Variants in NCAPH2 observed in about 807,000 individuals in gnomAD.
NCAPH2 encodes condensin-2 complex subunit H2.
Under a neutral mutation model 88.6 loss-of-function variants are expected in NCAPH2, and 56 were observed. That is an observed-to-expected ratio of 0.63 (90% confidence interval 0.51 to 0.79). The LOEUF is 0.79. Ranked by LOEUF, NCAPH2 falls within the 30% of genes least tolerant of loss-of-function variation. NCAPH2 has a pLI of 0.00. For synonymous variants in NCAPH2, 378 were observed against 313.6 expected, an observed-to-expected ratio of 1.21 and a Z score of -2.17; for missense variants, 794 against 792.0, an observed-to-expected ratio of 1.00 and a Z score of -0.03.
chr22:50,522,958 C>T (rs200907663), intron 18 of NCAPH2, 36 bp downstream of exon 18: 3 of 1,611,966 alleles, frequency 1.9e-6, no homozygotes, highest in East Asian at 2.2e-5. Context: ...AGCTGTGTGC[C>T]ACGGGTCTGT....
At position 50,524,168 on chromosome 22, in the gene NCAPH2, T is replaced by C. The variant is rs765425160; in HGVS notation, c.*793T>C. ...CGCTTTTGCTGCTGCAGCCTCTCCT[T>C]CTCAGCCCTCAGGGCCAGCCAGGCC... On this transcript the variant is annotated 3_prime_UTR_variant, in exon 20 of 20. Transcript: ENST00000420993. 104 of 1,610,236 alleles carry C rather than the reference T, an allele frequency of 6.5e-5. 2 individuals are homozygous for C. In the South Asian group the frequency reaches 8.0e-4, roughly 12 times the overall value.
At chr22:50,512,987 A>G (rs771462459) in intron 1 of NCAPH2, among the ~76,000 whole-genome samples, 1 of 152,246 alleles carries the variant, frequency 6.6e-6, no homozygotes, top group Non-Finnish European at 1.5e-5. Context: ...AATCCCCACT[A>G]TGGTAGGACT....
At chr22:50,515,377 A>C (rs368099337) in intron 1 of NCAPH2, among the ~76,000 whole-genome samples, 86 of 151,466 alleles carry the variant, frequency 5.7e-4, no homozygotes, top group African/African-American at 2.0e-3. Context: ...CCTGGGCAAC[A>C]TAGAGAAACC....
chr22:50,519,258 C>G lies in NCAPH2; in HGVS notation c.799C>G (p.Leu267Val), dbSNP rs758074380. Residue 267 changes from leucine to valine, a missense_variant, in exon 9 of 20, where the codon CTT becomes GTT. Around this residue, in one of 2 missense-constraint regions of NCAPH2, gnomAD observed 735 missense variants for 696.3 expected, o/e 1.06. Transcript: ENST00000420993. ...CGAGGATGCAGAGGAGGCAGTAGAG[C>G]TTCCTGAGGCCTCGGCCCCCAAGGC... ...EDEDAEEAVELPEASAPKAAL... is the reference protein window; with the variant it reads ...EDEDAEEAVEVPEASAPKAAL... 1.2e-6 allele frequency: 2 copies of G among 1,608,620 alleles called. No homozygotes were observed. Among genetic ancestry groups the G allele is most frequent in the Non-Finnish European group, 1.7e-6 (2 of 1,178,184 alleles).
At position 50,523,540 on chromosome 22, in the gene NCAPH2, G is replaced by A. The variant is rs750392108; in HGVS notation, c.*165G>A. On this transcript the variant is annotated 3_prime_UTR_variant, in exon 20 of 20. Transcript: ENST00000420993. Reference sequence around the variant, plus strand: ...GAGGGCTGCCTGGCCTCCCTGGGCCGCTGGTACAGATCACACACACACACA... The same window carrying A: ...GAGGGCTGCCTGGCCTCCCTGGGCCACTGGTACAGATCACACACACACACA... 43 of 1,579,482 alleles carry A rather than the reference G, an allele frequency of 2.7e-5. No individual in the cohort carries two copies. Among genetic ancestry groups the A allele is most frequent in the East Asian group, 1.8e-4 (8 of 43,856 alleles).
rs1222896201 is a variant in NCAPH2, at chr22:50,515,598, G to A, written c.109-849G>A. ...TTTTTAGTAGAGACGAGGTTTCACC[G>A]TGTTAGCCAGGATGGTCTCGATCTC... On this transcript the variant is annotated intron_variant, in intron 1 of 19. Coordinates refer to ENST00000420993, the MANE Select transcript of NCAPH2 (RefSeq NM_152299.4). The A allele has an allele frequency of 4.5e-5, 30 of 671,432 alleles. No homozygotes were observed. In the East Asian group the frequency reaches 1.2e-3, roughly 27 times the overall value. 41.6% of individuals were successfully genotyped at this position (671,432 alleles called of 1,614,324 possible).
chr22:50,523,000 G>A lies in NCAPH2; in HGVS notation c.1528-17G>A. 1 of 1,605,936 alleles carries A rather than the reference G, an allele frequency of 6.2e-7. No homozygotes were observed. The highest frequency in any genetic ancestry group is 1.1e-5 in the South Asian group (1 of 90,678). ...CCTTGCCTCTCTCCGCAGCCAACATGCCCCTCCCCTGTGCAGGAGCAGCAT... is the reference window on the plus strand; with the variant it reads ...CCTTGCCTCTCTCCGCAGCCAACATACCCCTCCCCTGTGCAGGAGCAGCAT... On this transcript the variant is annotated splice_polypyrimidine_tract_variant and intron_variant, in intron 18 of 19. Transcript: ENST00000420993.
In NCAPH2 at chr22:50,524,198, C is replaced by G. The variant is rs771629047; in HGVS notation, c.*823C>G. 1 of 1,608,626 alleles carries G rather than the reference C, an allele frequency of 6.2e-7. No homozygotes were observed. Among genetic ancestry groups the G allele is most frequent in the Non-Finnish European group, 8.5e-7 (1 of 1,179,954 alleles). The stretch of plus-strand genomic sequence containing the variant: ...GCCCTCAGGGCCAGCCAGGCCCCAC[C>G]GAGTCCAGCCCCGAACAGGCCTGTG... On this transcript the variant is annotated 3_prime_UTR_variant, in exon 20 of 20. Transcript: ENST00000420993.
Position 50,524,584 on chromosome 22 carries a change from CCACCAAACATCCA to C in NCAPH2, c.*1214_*1226del. Reference sequence around the variant, plus strand: ...CTCACCTGAGCTCAGAACTCCACCTCCACCAAACATCCACACCTGGGCAACCACACCTGTCACT... The same window carrying C: ...CTCACCTGAGCTCAGAACTCCACCTCCACCTGGGCAACCACACCTGTCACT... On this transcript the variant is annotated 3_prime_UTR_variant, in exon 20 of 20. Transcript: ENST00000420993. The C allele has an allele frequency of 1.4e-6, 1 of 738,266 alleles. No individual in the cohort carries two copies. Among genetic ancestry groups the C allele is most frequent in the Non-Finnish European group, 2.5e-6 (1 of 405,472 alleles). 45.7% of individuals were successfully genotyped at this position (738,266 alleles called of 1,614,324 possible).
intron 9 of NCAPH2, 99 bp downstream of exon 9, chr22:50,519,419 TTGGCCCCAGACCACTGGTC>T (rs1414756100): frequency 1.3e-6 from 2 of 1,515,868 alleles, no homozygotes; most frequent in Non-Finnish European, 1.8e-6. Context: ...TGGTATGGCC[TTGGCCCCAGACCACTGGTC>T]TGGGGCAGAA....
At chr22:50,519,349 C>G (rs780904687) in intron 9 of NCAPH2, 29 bp downstream of exon 9, 2 of 1,609,216 alleles carry the variant, frequency 1.2e-6, no homozygotes, top group Non-Finnish European at 1.7e-6. Flanking sequence ...CCTGCAGAAC[C>G]TGAGCTGTGA....
intron 9 of NCAPH2, among the ~76,000 whole-genome samples, chr22:50,520,060 C>T (rs1481870388): frequency 3.3e-5 from 5 of 151,754 alleles, no homozygotes; most frequent in Non-Finnish European, 7.4e-5. Flanking sequence ...TTAGTAGAGA[C>T]GGGGTTTCAC....
At chr22:50,510,761 T>G (rs2071977571) in intron 1 of NCAPH2, among the ~76,000 whole-genome samples, 1 of 152,118 alleles carries the variant, frequency 6.6e-6, no homozygotes, top group African/African-American at 2.4e-5. Context: ...AAGGTCTTAG[T>G]GTAAATGTCA....
At chr22:50,511,359 G>A (rs1389437938) in intron 1 of NCAPH2, among the ~76,000 whole-genome samples, 3 of 132,878 alleles carry the variant, frequency 2.3e-5, no homozygotes, top group African/African-American at 6.7e-5. Context: ...GTGCAATCTC[G>A]GCTCACTGCA....
chr22:50,512,428 C>T (rs1411390238), intron 1 of NCAPH2, among the ~76,000 whole-genome samples: 4 of 152,184 alleles, frequency 2.6e-5, no homozygotes, highest in African/African-American at 7.2e-5. Flanking sequence ...CTTATGTCTG[C>T]TCTTCCAAAC....
Position 50,522,097 on chromosome 22 carries a change from C to A in NCAPH2, c.1162+58C>A, listed in dbSNP as rs535080032. On this transcript the variant is annotated intron_variant, in intron 13 of 19. Transcript: ENST00000420993. The stretch of plus-strand genomic sequence containing the variant: ...ACTCTCCTTCCCCTACCTCTTCCCC[C>A]ACCTGGTGTCACCCAAAGCCTTGGG... 5.0e-6 allele frequency: 8 copies of A among 1,612,860 alleles called. No individual in the cohort carries two copies. In the East Asian group the frequency reaches 8.9e-5, roughly 18 times the overall value.
chr22:50,513,444 C>G (rs746805997), intron 1 of NCAPH2, among the ~76,000 whole-genome samples: 1 of 152,144 alleles, frequency 6.6e-6, no homozygotes, highest in Non-Finnish European at 1.5e-5. Flanking sequence ...TTAGGGAGGC[C>G]GAGGTGGCTC....
chr22:50,524,424 C>T lies in NCAPH2; in HGVS notation c.*1049C>T. The T allele has an allele frequency of 1.2e-6, 2 of 1,609,098 alleles. No homozygotes were observed. The highest frequency in any genetic ancestry group is 1.1e-5 in the South Asian group (1 of 90,986). ...TCAGCAGCAGCATGGATCTGATGCT[C>T]CTGGAAACAAGCACAGGCGTCAGGA... On this transcript the variant is annotated 3_prime_UTR_variant, in exon 20 of 20. Coordinates refer to ENST00000420993, the MANE Select transcript of NCAPH2 (RefSeq NM_152299.4).
intron 12 of NCAPH2, 38 bp from the exon 13 acceptor site, chr22:50,521,948 C>T: frequency 6.2e-7 from 1 of 1,613,782 alleles, no homozygotes; most frequent in Non-Finnish European, 8.5e-7. Context: ...CTGTGGGCAG[C>T]TCTTGGCCTG....
Sources: allele counts gnomAD v4.1 joint callset (sites outside exome capture counted in the v4.1 genomes callset), GRCh38; gene constraint gnomAD v4.1.1; regional missense constraint gnomAD v4.1.1; transcripts MANE v1.5; gene names NCBI Gene and HGNC (gene_info 2026-07-23, HGNC 2026-07-21).